TRPC5: variants seen among roughly 807,000 people sequenced by gnomAD.
TRPC5 encodes the protein transient receptor potential cation channel subfamily C member 5, also known as short transient receptor potential channel 5.
A neutral mutation model predicts 56.5 loss-of-function variants in TRPC5; 9 were observed. That is an observed-to-expected ratio of 0.16 (90% CI 0.10 to 0.28). The LOEUF (loss-of-function observed/expected upper bound fraction) is 0.28, where lower values mean the gene tolerates loss of function less well. TRPC5 is among the 10% of genes least tolerant of loss of function. TRPC5 has a pLI of 1.00. For missense variants in TRPC5, 469 were observed against 748.9 expected, an observed-to-expected ratio of 0.63 and a Z score of 4.36; for synonymous variants, 282 against 278.5, an observed-to-expected ratio of 1.01 and a Z score of -0.13.
chrX:111,811,595 T>G (rs1921709557), intron 7 of TRPC5, among the ~76,000 whole-genome samples: 1 of 111,312 alleles, frequency 9.0e-6, no homozygotes, highest in Admixed American at 9.5e-5. Flanking sequence ...GCAGAGGTTT[T>G]GGGGGGGAGT....
intron 2 of TRPC5, among the ~76,000 whole-genome samples, chrX:111,921,888 TC>T (rs1661980273): frequency 8.9e-6 from 1 of 112,003 alleles, no homozygotes; most frequent in Non-Finnish European, 1.9e-5. Flanking sequence ...AGGATCCTGT[TC>T]AAGGATCCTT....
intron 1 of TRPC5, among the ~76,000 whole-genome samples, chrX:112,012,824 T>C (rs189670759): frequency 1.1e-4 from 12 of 111,893 alleles, no homozygotes; most frequent in African/African-American, 3.6e-4. Context: ...ATTGAGGGGT[T>C]CCTCCAGTTC....
chrX:111,963,318 C>T (rs1020772925), intron 1 of TRPC5, among the ~76,000 whole-genome samples: 8 of 112,489 alleles, frequency 7.1e-5, no homozygotes, highest in Non-Finnish European at 9.4e-5. Flanking sequence ...GTAAACAAAG[C>T]AGCCGGGAAG....
intron 7 of TRPC5, among the ~76,000 whole-genome samples, chrX:111,800,986 G>A (rs747980331): frequency 9.0e-6 from 1 of 110,983 alleles, no homozygotes; most frequent in Non-Finnish European, 1.9e-5. Flanking sequence ...CCACTACCTA[G>A]ATTTAAAACA....
Position 111,774,468 on chromosome X carries a change from G to T in TRPC5, c.*1845C>A, listed in dbSNP as rs1415426125. 1 of 111,780 alleles carries T rather than the reference G, an allele frequency of 8.9e-6. No individual in the cohort carries two copies. Among genetic ancestry groups the T allele is most frequent in the African/African-American group, 3.2e-5 (1 of 30,776 alleles). 9.2% of individuals were successfully genotyped at this position (111,780 alleles called of 1,213,427 possible). On this transcript the variant is annotated 3_prime_UTR_variant, in exon 11 of 11. Transcript: ENST00000262839. ...GCCATTTTATGACAGTCTTAGCGAA[G>T]CAGGGGAGAAATTGATTTGAGTAAA... is the stretch of plus-strand genomic sequence containing the variant.
chrX:112,034,428 C>G (rs187271606), intron 1 of TRPC5, among the ~76,000 whole-genome samples: 2 of 99,505 alleles, frequency 2.0e-5, no homozygotes, highest in East Asian at 6.3e-4. Flanking sequence ...TTTATATTTT[C>G]TTTTTGGATA....
intron 3 of TRPC5, among the ~76,000 whole-genome samples, chrX:111,881,320 G>A (rs1240251913): frequency 9.1e-6 from 1 of 110,386 alleles, no homozygotes; most frequent in African/African-American, 3.3e-5. Context: ...GGGACTACAG[G>A]CACGCGCCAC....
In TRPC5 at chrX:111,986,134, A is replaced by G. The variant is rs187241683; in HGVS notation, c.-21-33693T>C. Reference sequence around the variant, plus strand: ...CTTTTGAATCTTTCCTCTACATTAAACTCTACATCAAACTAAGGTAGGTCT... The same window carrying G: ...CTTTTGAATCTTTCCTCTACATTAAGCTCTACATCAAACTAAGGTAGGTCT... On this transcript the variant is annotated intron_variant, in intron 1 of 10. Coordinates refer to ENST00000262839, the MANE Select transcript of TRPC5 (RefSeq NM_012471.3). Among the ~76,000 whole-genome samples, 584 of 110,719 alleles carry G rather than the reference A, an allele frequency of 5.3e-3. 1 individual carries two copies. The highest frequency in any genetic ancestry group is 9.1e-3 in the Non-Finnish European group (480 of 52,756).
chrX:111,784,677 G>T (rs746398150), intron 7 of TRPC5, among the ~76,000 whole-genome samples: 1 of 112,465 alleles, frequency 8.9e-6, no homozygotes, highest in South Asian at 3.7e-4. Context: ...GCCAAGGGAA[G>T]CCATGAAAGA....
At position 111,888,653 on chromosome X, in the gene TRPC5, C is replaced by T. The variant is rs1924637344; in HGVS notation, c.900+23638G>A. Among the ~76,000 whole-genome samples the T allele has an allele frequency of 1.0e-4, 9 of 88,580 alleles. No homozygotes were observed. In the Admixed American group the frequency reaches 1.2e-3, roughly 12 times the overall value. 76.9% of individuals were successfully genotyped at this position (88,580 alleles called of 115,157 possible). On this transcript the variant is annotated intron_variant, in intron 3 of 10. Coordinates refer to ENST00000262839, the MANE Select transcript of TRPC5 (RefSeq NM_012471.3). ...AGGTTGTGGTGAGCTGAGATCATGC[C>T]ACTGTACTCTAGCCTGGGTGACAGA...
At chrX:112,032,315 A>T (rs780507483) in intron 1 of TRPC5, among the ~76,000 whole-genome samples, 5 of 108,079 alleles carry the variant, frequency 4.6e-5, no homozygotes, top group Non-Finnish European at 9.5e-5. Flanking sequence ...GAATTAGTAC[A>T]ACCATTATGG....
chrX:111,905,166 AT>A (rs370766291), intron 3 of TRPC5, among the ~76,000 whole-genome samples: 8,678 of 106,730 alleles, frequency 0.081, 871 homozygotes, highest in African/African-American at 0.28. Context: ...GATTTTTATG[AT>A]TTTTTTTTTA....
At chrX:111,840,683 A>G (rs993178472) in intron 6 of TRPC5, among the ~76,000 whole-genome samples, 2 of 111,856 alleles carry the variant, frequency 1.8e-5, no homozygotes, top group African/African-American at 3.2e-5. Flanking sequence ...TCAGAGGTAG[A>G]GTTTGTACCC....
intron 3 of TRPC5, among the ~76,000 whole-genome samples, chrX:111,890,174 C>T (rs751782649): frequency 8.9e-6 from 1 of 112,246 alleles, no homozygotes; most frequent in Admixed American, 9.4e-5. Flanking sequence ...TATTGTAAAA[C>T]AAACTATTTA....
In TRPC5 at chrX:112,082,378, G is replaced by C. The variant is rs1441197762; in HGVS notation, c.-521C>G. On this transcript the variant is annotated 5_prime_UTR_variant, in exon 1 of 11. The change creates a new upstream start codon in the 5' untranslated region. Transcript: ENST00000262839. ...AGGGAGAAGGAGGGAGGAAGGAAGG[G>C]ATGGAGAGAGAGGGGAGAGAGAGAG... is the stretch of plus-strand genomic sequence containing the variant. 2.7e-5 allele frequency: 3 copies of C among 110,808 alleles called. No homozygotes were observed. The highest frequency in any genetic ancestry group is 5.7e-5 in the Non-Finnish European group (3 of 53,022). The allele number at this position is 110,808 out of a possible 1,213,427, so 9.1% of individuals were successfully genotyped here.
intron 3 of TRPC5, among the ~76,000 whole-genome samples, chrX:111,904,455 A>G (rs1302460664): frequency 8.9e-6 from 1 of 111,950 alleles, no homozygotes; most frequent in Non-Finnish European, 1.9e-5. Context: ...ATGCAGCCAT[A>G]AAAAGGAACA....
chrX:111,876,117 G>C (rs1238516748), intron 3 of TRPC5: 1 of 110,851 alleles, frequency 9.0e-6, no homozygotes, highest in East Asian at 2.8e-4. Context: ...GAAGAGGTGG[G>C]AGCTATCTCT....
intron 1 of TRPC5, among the ~76,000 whole-genome samples, chrX:111,976,277 C>A (rs1294033474): frequency 9.1e-6 from 1 of 109,745 alleles, no homozygotes; most frequent in Non-Finnish European, 1.9e-5. Context: ...AGAAAAATTA[C>A]CCAGGTGTGG....
chrX:111,863,338 T>C (rs1039413124), intron 3 of TRPC5, among the ~76,000 whole-genome samples: 1 of 112,171 alleles, frequency 8.9e-6, no homozygotes, highest in Admixed American at 9.4e-5. Flanking sequence ...TTTGATTATA[T>C]GGCATTTAGC....
Sources: allele counts gnomAD v4.1 joint callset (sites outside exome capture counted in the v4.1 genomes callset), GRCh38; gene constraint gnomAD v4.1.1; transcripts MANE v1.5; gene names NCBI Gene and HGNC (gene_info 2026-07-23, HGNC 2026-07-21).